The following TRIM3 variants were observed in gnomAD, a reference collection of about 807,000 sequenced individuals.
TRIM3 encodes the protein tripartite motif-containing protein 3.
In TRIM3, 13 loss-of-function variants were observed where a neutral mutation model predicts 66.6. That is an observed-to-expected ratio of 0.20 (90% CI 0.13 to 0.31). TRIM3 has a LOEUF of 0.31. Among genes scored for constraint, TRIM3 ranks in the 10% least tolerant of loss-of-function variants. The pLI is 1.00. For missense variants in TRIM3, 711 were observed against 1,020.4 expected, an observed-to-expected ratio of 0.70 and a Z score of 4.13; for synonymous variants, 406 against 411.7, an observed-to-expected ratio of 0.99 and a Z score of 0.17.
chr11:6,457,956 C>A lies in TRIM3; in HGVS notation c.363+109G>T. On this transcript the variant is annotated intron_variant, in intron 3 of 11. Transcript: ENST00000345851. This position sits in a 1 kb window ranked among gnomAD's most constrained non-coding sequence, Gnocchi z 4.5. ...CTTCTAAGTGCACCCCCTACCTGGACCACTAATCCAGAGCAGTACCCTGTC... is the reference window on the plus strand; with the variant it reads ...CTTCTAAGTGCACCCCCTACCTGGAACACTAATCCAGAGCAGTACCCTGTC... 1 of 1,543,816 alleles carries A rather than the reference C, an allele frequency of 6.5e-7. No homozygotes were observed. Among genetic ancestry groups the A allele is most frequent in the Non-Finnish European group, 8.8e-7 (1 of 1,136,756 alleles).
At position 6,450,387 on chromosome 11, in the gene TRIM3, C is replaced by G; in HGVS notation, c.1941+164G>C. The G allele has an allele frequency of 1.6e-6, 1 of 640,932 alleles. No homozygotes were observed. Among genetic ancestry groups the G allele is most frequent in the East Asian group, 2.7e-5 (1 of 36,552 alleles). 39.7% of individuals were successfully genotyped at this position (640,932 alleles called of 1,614,324 possible). ...TTGTGCATCACTGTATCTCCAGCTT[C>G]TAGCATACTGCCTGGGACAAAGCAG... On this transcript the variant is annotated intron_variant, in intron 10 of 11. Transcript: ENST00000345851. The surrounding 1 kb of genome is among the most constrained non-coding windows in gnomAD (Gnocchi z 4.8).
intron 2 of TRIM3, among the ~76,000 whole-genome samples, chr11:6,460,734 A>C (rs1176181702): frequency 6.6e-6 from 1 of 152,118 alleles, no homozygotes; most frequent in Non-Finnish European, 1.5e-5. Context: ...GAAGATCTGC[A>C]TTATGCAAAC....
rs1196158123 is a variant in TRIM3 at position 6,453,323 on chromosome 11, A to C, written c.1534-1885T>G. 2.0e-5 allele frequency: 3 copies of C among 152,232 alleles called. No individual in the cohort carries two copies. In the East Asian group the frequency reaches 5.8e-4, roughly 29 times the overall value. The allele number at this position is 152,232 out of a possible 1,614,324, so 9.4% of individuals were successfully genotyped here. ...GCAACACCATCTACCCAGTCCACAA[A>C]GTCCTGCCATTCTTGACATTTGACG... On this transcript the variant is annotated intron_variant, in intron 7 of 11. Coordinates refer to ENST00000345851, the MANE Select transcript of TRIM3 (RefSeq NM_033278.4).
At chr11:6,465,490 C>T (rs542751353) in intron 2 of TRIM3, 75 bp downstream of exon 2, 3 of 1,581,172 alleles carry the variant, frequency 1.9e-6, no homozygotes, top group East Asian at 2.3e-5. Flanking sequence ...GCTCCCTCAC[C>T]CTCCCCACAG....
Position 6,450,390 on chromosome 11 carries a change from G to T in TRIM3, c.1941+161C>A. ...TGCATCACTGTATCTCCAGCTTCTA[G>T]CATACTGCCTGGGACAAAGCAGCCA... On this transcript the variant is annotated intron_variant, in intron 10 of 11. Coordinates refer to ENST00000345851, the MANE Select transcript of TRIM3 (RefSeq NM_033278.4). This position sits in a 1 kb window ranked among gnomAD's most constrained non-coding sequence, Gnocchi z 4.8. The T allele has an allele frequency of 1.6e-6, 1 of 644,924 alleles. No individual in the cohort carries two copies. Among genetic ancestry groups the T allele is most frequent in the Non-Finnish European group, 2.8e-6 (1 of 362,578 alleles). The allele number at this position is 644,924 out of a possible 1,614,324, so 40.0% of individuals were successfully genotyped here. A position where few individuals can be genotyped will look rare whatever the true frequency, so the allele number is the denominator to read the frequency against.
chr11:6,469,357 T>C (rs892902539), intron 1 of TRIM3, among the ~76,000 whole-genome samples: 1 of 152,166 alleles, frequency 6.6e-6, no homozygotes, highest in Admixed American at 6.5e-5. Context: ...CCAGACTTAC[T>C]GGGCATGCAG....
chr11:6,455,440 A>G (rs1347645385), intron 7 of TRIM3, among the ~76,000 whole-genome samples: 1 of 152,042 alleles, frequency 6.6e-6, no homozygotes, highest in Non-Finnish European at 1.5e-5. Context: ...AACAGAGGGA[A>G]AAAAAGGCAC....
At position 6,449,492 on chromosome 11, in the gene TRIM3, A is replaced by AG; in HGVS notation, c.1942-47dup. On this transcript the variant is annotated intron_variant, in intron 10 of 11. Coordinates refer to ENST00000345851, the MANE Select transcript of TRIM3 (RefSeq NM_033278.4). The surrounding 1 kb of genome is among the most constrained non-coding windows in gnomAD (Gnocchi z 5.3). The stretch of plus-strand genomic sequence containing the variant: ...GGACTGGGGACCTGGCCTCAGGCAG[A>AG]GGGTAGGGCTTTGGAGGAGGATAGG... 1 of 1,582,188 alleles carries AG rather than the reference A, an allele frequency of 6.3e-7. No homozygotes were observed.
At position 6,458,234 on chromosome 11, in the gene TRIM3, G is replaced by A; in HGVS notation, c.194C>T (p.Thr65Met). The A allele has an allele frequency of 6.2e-7, 1 of 1,614,232 alleles. No individual in the cohort carries two copies. Residue 65 changes from threonine (T) to methionine (M), a missense_variant, in exon 3 of 12, where the codon ACG becomes ATG. Transcript: ENST00000345851. The surrounding 1 kb of genome is among the most constrained non-coding windows in gnomAD (Gnocchi z 6.2). Reference protein sequence around the residue: ...LTLSCPVCRQTSILPEQGVSA... With the variant: ...LTLSCPVCRQMSILPEQGVSA... ...GACGCCCTGCTCTGGGAGGATGGAC[G>A]TCTGCCGGCATACTGGACAGGATAG...
intron 1 of TRIM3, among the ~76,000 whole-genome samples, chr11:6,466,646 T>G (rs1232447635): frequency 6.6e-6 from 1 of 151,756 alleles, no homozygotes; most frequent in Non-Finnish European, 1.5e-5. Context: ...CTTTTGCTTC[T>G]GGGAGATCAG....
At position 6,457,158 on chromosome 11, in the gene TRIM3, A is replaced by C; in HGVS notation, c.697-129T>G. On this transcript the variant is annotated intron_variant, in intron 5 of 11. Transcript: ENST00000345851. This position sits in a 1 kb window ranked among gnomAD's most constrained non-coding sequence, Gnocchi z 4.5. Reference sequence around the variant, plus strand: ...GTGGACAGAGGACACAGATGCCCACAGCACCTACCGAGGGCATGTCAGGAG... The same window carrying C: ...GTGGACAGAGGACACAGATGCCCACCGCACCTACCGAGGGCATGTCAGGAG... The C allele has an allele frequency of 6.7e-7, 1 of 1,502,670 alleles. No individual in the cohort carries two copies. Among genetic ancestry groups the C allele is most frequent in the Non-Finnish European group, 9.0e-7 (1 of 1,111,652 alleles). 93.1% of individuals were successfully genotyped at this position (1,502,670 alleles called of 1,614,324 possible).
At chr11:6,465,916 G>A (rs1265105111) in intron 1 of TRIM3, among the ~76,000 whole-genome samples, 184 bp from the exon 2 acceptor site, 4 of 152,246 alleles carry the variant, frequency 2.6e-5, no homozygotes, top group Non-Finnish European at 4.4e-5. Flanking sequence ...TAAGAGCACA[G>A]ACGTAGGATT....
chr11:6,460,547 G>A (rs1850180670), intron 2 of TRIM3, among the ~76,000 whole-genome samples: 1 of 152,172 alleles, frequency 6.6e-6, no homozygotes, highest in Admixed American at 6.5e-5. Context: ...TGGAGGGAAG[G>A]AGGAAAGGAG....
intron 7 of TRIM3, among the ~76,000 whole-genome samples, chr11:6,454,431 GGACA>G (rs1001184918): frequency 3.3e-5 from 5 of 150,754 alleles, no homozygotes; most frequent in African/African-American, 9.7e-5. Context: ...CCCCTCACCA[GGACA>G]GACAAAGTGG....
Position 6,450,741 on chromosome 11 carries a change from C to A in TRIM3, c.1871-120G>T, listed in dbSNP as rs1426033836. The A allele has an allele frequency of 1.4e-6, 2 of 1,425,846 alleles. No individual in the cohort carries two copies. Among genetic ancestry groups the A allele is most frequent in the Non-Finnish European group, 2.0e-6 (2 of 1,021,812 alleles). 88.3% of individuals were successfully genotyped at this position (1,425,846 alleles called of 1,614,324 possible). On this transcript the variant is annotated intron_variant, in intron 9 of 11. Coordinates refer to ENST00000345851, the MANE Select transcript of TRIM3 (RefSeq NM_033278.4). This position sits in a 1 kb window ranked among gnomAD's most constrained non-coding sequence, Gnocchi z 4.8. Reference sequence around the variant, plus strand: ...AGGGGTGGGGTCTCCAGGACTGAGACAAATTATTTCTGAGATGATAGGGCT... The same window carrying A: ...AGGGGTGGGGTCTCCAGGACTGAGAAAAATTATTTCTGAGATGATAGGGCT...
intron 2 of TRIM3, among the ~76,000 whole-genome samples, chr11:6,459,065 C>T (rs185047751): frequency 2.0e-3 from 309 of 152,296 alleles, no homozygotes; most frequent in Middle Eastern, 0.01. Flanking sequence ...ATGCATCTGG[C>T]TCAAGCAGGT....
rs138688599 is a variant in TRIM3, at chr11:6,449,021, T to C, written c.*7A>G. 9.2e-5 allele frequency: 148 copies of C among 1,613,968 alleles called. 1 individual carries two copies. The highest frequency in any genetic ancestry group is 1.2e-4 in the Non-Finnish European group (142 of 1,179,838). On this transcript the variant is annotated 3_prime_UTR_variant, in exon 12 of 12. Coordinates refer to ENST00000345851, the MANE Select transcript of TRIM3 (RefSeq NM_033278.4). The surrounding 1 kb of genome is among the most constrained non-coding windows in gnomAD (Gnocchi z 5.3). ...CCCTCCACAAGCCAGGCAGGGCCTC[T>C]GTACAGCTACTGGAGGTAGCGATAG...
intron 2 of TRIM3, among the ~76,000 whole-genome samples, chr11:6,461,931 C>T (rs1207337437): frequency 1.3e-5 from 2 of 152,200 alleles, no homozygotes; most frequent in African/African-American, 2.4e-5. Flanking sequence ...TGAAAACCTA[C>T]AAGCTCCCCC....
chr11:6,457,606 G>A lies in TRIM3; in HGVS notation c.515+90C>T. 6.4e-7 allele frequency: 1 copy of A among 1,553,648 alleles called. No individual in the cohort carries two copies. Among genetic ancestry groups the A allele is most frequent in the Non-Finnish European group, 8.7e-7 (1 of 1,147,062 alleles). Reference sequence around the variant, plus strand: ...AGACCTCCCTGAGACTTCCATCTCTGCCCTTCCCAGACCCTTTATTCCCCT... The same window carrying A: ...AGACCTCCCTGAGACTTCCATCTCTACCCTTCCCAGACCCTTTATTCCCCT... On this transcript the variant is annotated intron_variant, in intron 4 of 11. Coordinates refer to ENST00000345851, the MANE Select transcript of TRIM3 (RefSeq NM_033278.4). This position sits in a 1 kb window ranked among gnomAD's most constrained non-coding sequence, Gnocchi z 4.5.
Sources: gnomAD v4.1 joint callset for allele counts (sites outside exome capture counted in the v4.1 genomes callset) on GRCh38, gnomAD v4.1.1 for gene constraint, Gnocchi (gnomAD v3.1) non-coding constraint, MANE v1.5 for transcripts, NCBI Gene and HGNC (gene_info 2026-07-23, HGNC 2026-07-21) for gene names.